The following GRM7 variants were observed in gnomAD, a reference collection of about 807,000 sequenced individuals.
GRM7 encodes the protein metabotropic glutamate receptor 7.
In GRM7, 35 loss-of-function variants were observed where a neutral mutation model predicts 84.5. That is an observed-to-expected ratio of 0.41 (90% CI 0.32 to 0.55). GRM7 has a LOEUF of 0.55. GRM7 is among the 20% of genes least tolerant of loss of function. The pLI is 0.19. For missense variants in GRM7, 1,003 were observed against 1,194.6 expected (o/e 0.84, Z 2.36); for synonymous variants, 487 against 455.1 (o/e 1.07, Z -0.89).
intron 4 of GRM7, among the ~76,000 whole-genome samples, chr3:7,333,068 C>T (rs1701271571): frequency 6.6e-6 from 1 of 152,122 alleles, no homozygotes; most frequent in African/African-American, 2.4e-5. Context: ...GCCATTATAG[C>T]AACTCATAAC....
intron 9 of GRM7, among the ~76,000 whole-genome samples, chr3:7,708,934 C>G (rs1459376948): frequency 6.6e-6 from 1 of 151,432 alleles, no homozygotes; most frequent in East Asian, 1.9e-4. Context: ...TGTGTATGCA[C>G]ACACAACTGA....
At chr3:7,409,905 C>A (rs539008037) in intron 4 of GRM7, among the ~76,000 whole-genome samples, 2 of 152,200 alleles carry the variant, frequency 1.3e-5, no homozygotes, top group Admixed American at 6.5e-5. Context: ...TGGCCAACTT[C>A]CCTGTTTTTA....
chr3:7,540,150 T>G (rs1307098913), intron 7 of GRM7, among the ~76,000 whole-genome samples: 3 of 152,160 alleles, frequency 2.0e-5, no homozygotes, highest in African/African-American at 7.2e-5. Context: ...CATTGAACGG[T>G]TGCTTTAGGA....
At chr3:7,185,670 G>C (rs115889127) in intron 2 of GRM7, among the ~76,000 whole-genome samples, 3,509 of 152,278 alleles carry the variant, frequency 0.023, 122 homozygotes, top group African/African-American at 0.071. Context: ...CATCACCTGA[G>C]ATCCTGTAAG....
chr3:7,250,825 ATAT>A (rs1467021464), intron 2 of GRM7, among the ~76,000 whole-genome samples: 1 of 152,164 alleles, frequency 6.6e-6, no homozygotes, highest in Admixed American at 6.6e-5. Context: ...CATCAAGCCA[ATAT>A]TATATATATT....
At chr3:7,664,783 G>A (rs570513324) in intron 8 of GRM7, among the ~76,000 whole-genome samples, 2 of 152,246 alleles carry the variant, frequency 1.3e-5, no homozygotes, top group South Asian at 4.1e-4. Context: ...GGCACTCAAT[G>A]CTTACTTGAA....
intron 1 of GRM7, among the ~76,000 whole-genome samples, chr3:7,085,101 G>GCC (rs1242822523): frequency 2.0e-5 from 3 of 152,106 alleles, no homozygotes; most frequent in Non-Finnish European, 4.4e-5. Flanking sequence ...CCATTGAGTG[G>GCC]CATTTTAATG....
chr3:6,948,807 T>G lies in GRM7; in HGVS notation c.519+86900T>G, dbSNP rs549436530. ...TTGAATTGATCCCTTTACCATTATG[T>G]AATGGCCTTCTTTGTGTGTTTTGAT... On this transcript the variant is annotated intron_variant, in intron 1 of 9. Transcript: ENST00000357716. 2.0e-5 allele frequency among the ~76,000 whole-genome samples: 3 copies of G among 152,346 alleles called. No individual in the cohort carries two copies. The South Asian group carries it at 6.2e-4, about 32-fold the overall frequency.
At chr3:7,272,350 GTT>G (rs1285691955) in intron 2 of GRM7, among the ~76,000 whole-genome samples, 1 of 152,156 alleles carries the variant, frequency 6.6e-6, no homozygotes, top group East Asian at 1.9e-4. Context: ...TAAATAAAGA[GTT>G]TAACCTCCCT....
At chr3:7,656,033 T>C (rs1575599046) in intron 8 of GRM7, among the ~76,000 whole-genome samples, 1 of 152,266 alleles carries the variant, frequency 6.6e-6, no homozygotes, top group Admixed American at 6.5e-5. Flanking sequence ...TTAAGAGTAA[T>C]AATAAATGTA....
At chr3:7,257,153 C>T (rs1371410674) in intron 2 of GRM7, among the ~76,000 whole-genome samples, 1 of 152,074 alleles carries the variant, frequency 6.6e-6, no homozygotes, top group Non-Finnish European at 1.5e-5. Flanking sequence ...TCCAAGGAGG[C>T]TTTTCAAGTA....
chr3:6,934,873 T>A (rs922644041), intron 1 of GRM7, among the ~76,000 whole-genome samples: 2 of 152,114 alleles, frequency 1.3e-5, no homozygotes, highest in African/African-American at 4.8e-5. Context: ...AAAAAGAATA[T>A]TGGAAGATGA....
At chr3:7,313,624 T>C (rs1289389559) in intron 4 of GRM7, among the ~76,000 whole-genome samples, 3 of 152,162 alleles carry the variant, frequency 2.0e-5, no homozygotes, top group Non-Finnish European at 2.9e-5. Context: ...TTTTTAAAAA[T>C]AAGGAGTATA....
intron 1 of GRM7, among the ~76,000 whole-genome samples, chr3:6,908,469 C>T (rs778485557): frequency 1.6e-4 from 24 of 152,090 alleles, no homozygotes; most frequent in Non-Finnish European, 2.5e-4. Context: ...TCCCTCATTT[C>T]GCAGATGAAA....
At chr3:7,651,762 A>C (rs2125114831) in intron 8 of GRM7, among the ~76,000 whole-genome samples, 1 of 152,308 alleles carries the variant, frequency 6.6e-6, no homozygotes, top group South Asian at 2.1e-4. Flanking sequence ...ATTTTGCAGA[A>C]GAAATAGCAA....
intron 2 of GRM7, among the ~76,000 whole-genome samples, chr3:7,229,666 G>C (rs570347644): frequency 1.6e-4 from 23 of 141,082 alleles, no homozygotes; most frequent in African/African-American, 5.4e-4. Context: ...ACAGTGGTAG[G>C]AGAGACAGAA....
chr3:7,556,251 T>G (rs1693752441), intron 7 of GRM7, among the ~76,000 whole-genome samples: 1 of 152,126 alleles, frequency 6.6e-6, no homozygotes, highest in African/African-American at 2.4e-5. Context: ...TCCTCATTAT[T>G]TAATCATCCC....
intron 4 of GRM7, among the ~76,000 whole-genome samples, chr3:7,331,474 C>T (rs989423574): frequency 6.6e-6 from 1 of 152,332 alleles, no homozygotes; most frequent in Admixed American, 6.5e-5. Flanking sequence ...AGTGGACATA[C>T]CACGGCTCAA....
chr3:7,231,106 G>A (rs912886984), intron 2 of GRM7, among the ~76,000 whole-genome samples: 8 of 152,164 alleles, frequency 5.3e-5, no homozygotes, highest in South Asian at 2.1e-4. Context: ...AGAGAAGAGG[G>A]CTCTGTCTGG....
Sources: allele counts gnomAD v4.1 joint callset (sites outside exome capture counted in the v4.1 genomes callset), GRCh38; gene constraint gnomAD v4.1.1; transcripts MANE v1.5; gene names NCBI Gene and HGNC (gene_info 2026-07-23, HGNC 2026-07-21).